Variants in PDE4D observed in about 807,000 individuals in gnomAD.
PDE4D encodes the protein 3',5'-cyclic-AMP phosphodiesterase 4D.
Under a neutral mutation model 87.4 loss-of-function variants are expected in PDE4D, and 24 were observed. The ratio of observed to expected loss-of-function variants is 0.27; its 90% CI spans 0.20 to 0.39. The LOEUF (loss-of-function observed/expected upper bound fraction) is 0.39, where lower values mean the gene tolerates loss of function less well. PDE4D is among the 10% of genes least tolerant of loss of function. The pLI is 1.00. For missense variants in PDE4D, 714 were observed against 1,041.0 expected (o/e 0.69, Z 4.32); for synonymous variants, 384 against 383.2 (o/e 1.00, Z -0.02).
chr5:59,667,947 C>T (rs2150313824), intron 1 of PDE4D, among the ~76,000 whole-genome samples: 2 of 152,324 alleles, frequency 1.3e-5, no homozygotes, highest in South Asian at 4.1e-4. Flanking sequence ...ACCATACTTC[C>T]TGTTTTTTTG....
chr5:59,916,927 A>G lies in PDE4D; in HGVS notation c.272+71561T>C, dbSNP rs368895396. 2.0e-5 allele frequency among the ~76,000 whole-genome samples: 3 copies of G among 147,178 alleles called. No homozygotes were observed. In the South Asian group the frequency reaches 6.5e-4, roughly 32 times the overall value. ...CTCAGCCTCCCAAGTAGCTGGGACC[A>G]CAGGGGTGCACCACCATGCCCGGCT... On this transcript the variant is annotated intron_variant, in intron 3 of 16. Coordinates refer to the PDE4D transcript ENST00000502484.
chr5:59,577,942 C>T (rs1016273368), intron 1 of PDE4D, among the ~76,000 whole-genome samples: 1 of 152,072 alleles, frequency 6.6e-6, no homozygotes, highest in African/African-American at 2.4e-5. Flanking sequence ...TACATCAGTT[C>T]TGGTTAAAGT....
At chr5:59,794,949 T>C (rs1766291114) in intron 1 of PDE4D, among the ~76,000 whole-genome samples, 1 of 152,178 alleles carries the variant, frequency 6.6e-6, no homozygotes, top group Non-Finnish European at 1.5e-5. Context: ...AGAAGCTGCC[T>C]GAGTTCAGCC....
chr5:59,562,970 CACTT>C (rs548841278), intron 1 of PDE4D, among the ~76,000 whole-genome samples: 8 of 152,260 alleles, frequency 5.3e-5, no homozygotes, highest in Admixed American at 5.2e-4. Flanking sequence ...GGCTCTGTCT[CACTT>C]CCTTCCGGTG....
intron 1 of PDE4D, among the ~76,000 whole-genome samples, chr5:59,629,564 G>A (rs1159155083): frequency 1.3e-5 from 2 of 152,100 alleles, no homozygotes; most frequent in Non-Finnish European, 2.9e-5. Context: ...CTTCCTCACA[G>A]CCCTCGGAAA....
chr5:59,731,834 T>C (rs752137108), intron 1 of PDE4D, among the ~76,000 whole-genome samples: 1 of 152,188 alleles, frequency 6.6e-6, no homozygotes, highest in South Asian at 2.1e-4. Flanking sequence ...AAGCAGATAT[T>C]TGTAAGTCAT....
At chr5:59,397,842 A>T (rs201413694) in intron 1 of PDE4D, among the ~76,000 whole-genome samples, 2,955 of 86,678 alleles carry the variant, frequency 0.034, 7 homozygotes, top group Non-Finnish European at 0.044. Flanking sequence ...AGCAAGACTA[A>T]TAAAGAAAAA....
chr5:59,995,695 T>G (rs1763467202), intron 2 of PDE4D, among the ~76,000 whole-genome samples: 1 of 152,178 alleles, frequency 6.6e-6, no homozygotes. Context: ...TTCTGCCTTT[T>G]TATTTATGAC....
intron 1 of PDE4D, among the ~76,000 whole-genome samples, chr5:59,830,653 A>G (rs1425534466): frequency 1.3e-5 from 2 of 152,110 alleles, no homozygotes; most frequent in African/African-American, 4.8e-5. Context: ...GTATTAATTA[A>G]CAAATCAGAA....
chr5:59,623,908 C>T (rs1830603579), intron 1 of PDE4D, among the ~76,000 whole-genome samples: 3 of 152,136 alleles, frequency 2.0e-5, no homozygotes. Context: ...TAAAAAATAG[C>T]TAACATTTCT....
exon 2 of PDE4D, chr5:60,185,673 A>C (rs1784720164): frequency 2.3e-6 from 2 of 869,348 alleles, no homozygotes; most frequent in African/African-American, 3.3e-5. Context: ...ATCCACTCAA[A>C]AGCCAACTGG....
rs1003740758 is a variant in PDE4D at position 59,846,419 on chromosome 5, G to T, written c.455+46749C>A. Among the ~76,000 whole-genome samples the T allele has an allele frequency of 2.6e-5, 4 of 152,072 alleles. 1 individual carries two copies. The highest frequency in any genetic ancestry group is 9.7e-5 in the African/African-American group (4 of 41,428). ...TTCATAAAAACCACCCGGGATGCTT[G>T]TGTTAATGTTCCTATTCCCAAGCCT... is the stretch of plus-strand genomic sequence containing the variant. On this transcript the variant is annotated intron_variant, in intron 1 of 14. Transcript: ENST00000340635.
At chr5:60,505,159 T>A (rs1750268736) in intron 1 of PDE4D, among the ~76,000 whole-genome samples, 1 of 152,194 alleles carries the variant, frequency 6.6e-6, no homozygotes, top group African/African-American at 2.4e-5. Flanking sequence ...ATAGAAAAGG[T>A]TGACTTTTTC....
chr5:60,464,906 A>T (rs1268251575), intron 1 of PDE4D, among the ~76,000 whole-genome samples: 1 of 152,150 alleles, frequency 6.6e-6, no homozygotes, highest in Non-Finnish European at 1.5e-5. Flanking sequence ...TTTCAATACC[A>T]GCCTAGACAA....
rs1338187495 is a variant in PDE4D, at chr5:59,529,949, G to A, written c.456-313981C>T. Among the ~76,000 whole-genome samples, 4 of 152,162 alleles carry A rather than the reference G, an allele frequency of 2.6e-5. No homozygotes were observed. In the East Asian group the frequency reaches 5.8e-4, roughly 22 times the overall value. ...GTTTCCTAAGGAGGGCCCCGGGTAAGGCCCCAGTGCTGTGCTTCTCACATT... is the reference window on the plus strand; with the variant it reads ...GTTTCCTAAGGAGGGCCCCGGGTAAAGCCCCAGTGCTGTGCTTCTCACATT... On this transcript the variant is annotated intron_variant, in intron 1 of 14. Coordinates refer to ENST00000340635, the MANE Select transcript of PDE4D (RefSeq NM_001104631.2).
chr5:59,466,401 A>AGCCCAAATT (rs1801588215), intron 1 of PDE4D, among the ~76,000 whole-genome samples: 1 of 152,212 alleles, frequency 6.6e-6, no homozygotes, highest in African/African-American at 2.4e-5. Flanking sequence ...ATTTTCCACA[A>AGCCCAAATT]GCCCAAATTG....
intron 5 of PDE4D, among the ~76,000 whole-genome samples, chr5:59,138,147 GA>G (rs1777396463): frequency 6.6e-6 from 1 of 152,232 alleles, no homozygotes; most frequent in Non-Finnish European, 1.5e-5. Flanking sequence ...CAAAGTTTCA[GA>G]TTTGAGAATG....
chr5:59,517,808 C>T (rs1562320321), intron 1 of PDE4D, among the ~76,000 whole-genome samples: 3 of 152,026 alleles, frequency 2.0e-5, no homozygotes, highest in African/African-American at 7.2e-5. Context: ...AATCATACTG[C>T]AAAAAATGGT....
At chr5:60,217,444 G>A (rs904192873) in intron 1 of PDE4D, among the ~76,000 whole-genome samples, 2 of 151,756 alleles carry the variant, frequency 1.3e-5, no homozygotes, top group Admixed American at 6.6e-5. Flanking sequence ...TTTTTTAATG[G>A]GGAAAGAAAC....
Sources: gnomAD v4.1 joint callset for allele counts (sites outside exome capture counted in the v4.1 genomes callset) on GRCh38, gnomAD v4.1.1 for gene constraint, MANE v1.5 for transcripts, NCBI Gene and HGNC (gene_info 2026-07-23, HGNC 2026-07-21) for gene names.